Variants in SDR42E2 observed in about 807,000 individuals in gnomAD.
SDR42E2 encodes the protein short chain dehydrogenase/reductase family 42E, member 2, also known as putative short-chain dehydrogenase/reductase family 42E member 2.
Under a neutral mutation model 10.5 loss-of-function variants are expected in SDR42E2, and 20 were observed. The observed-to-expected ratio is 1.90, with a 90% confidence interval of 1.34 to 2.77. SDR42E2 has a LOEUF of 2.77. SDR42E2 is among the 30% of genes most tolerant of loss of function. SDR42E2 has a pLI of 0.00. For synonymous variants in SDR42E2, 72 were observed against 39.2 expected (o/e 1.84, Z -3.12); for missense variants, 162 against 104.2 (o/e 1.55, Z -2.42).
In SDR42E2 at chr16:22,177,627, CA is replaced by C. The variant is rs199973794; in HGVS notation, c.590-494del. The stretch of plus-strand genomic sequence containing the variant: ...TGGGCGGCAGAGCAAGATTCCATCT[CA>C]AAAAAAAAGAAATAAAGAAAGAAAA... On this transcript the variant is annotated intron_variant, in intron 7 of 12. Coordinates refer to ENST00000602312, the MANE Select transcript of SDR42E2 (RefSeq NM_001394319.2). Among the ~76,000 whole-genome samples, 12 of 139,508 alleles carry C rather than the reference CA, an allele frequency of 8.6e-5. No homozygotes were observed. The East Asian group carries it at 1.2e-3, about 14-fold the overall frequency. The allele number at this position is 139,508 out of a possible 152,430, so 91.5% of individuals were successfully genotyped here.
chr16:22,190,105 G>C (rs2046761272), intron 12 of SDR42E2, 34 bp from the exon 13 acceptor site: 1 of 401,068 alleles, frequency 2.5e-6, no homozygotes. Flanking sequence ...CCTCCCACGA[G>C]GCCCGCCCTC....
chr16:22,182,325 C>A, intron 10 of SDR42E2, 48 bp downstream of exon 10: 1 of 400,992 alleles, frequency 2.5e-6, no homozygotes, highest in Non-Finnish European at 4.4e-6. Flanking sequence ...TCTGGGATCC[C>A]TGACCTTCTC....
chr16:22,172,562 A>G (rs2046610678), intron 7 of SDR42E2, among the ~76,000 whole-genome samples: 1 of 152,168 alleles, frequency 6.6e-6, no homozygotes, highest in South Asian at 2.1e-4. Flanking sequence ...CTGCCCTTAC[A>G]TAGCTCACAG....
intron 1 of SDR42E2, among the ~76,000 whole-genome samples, chr16:22,164,127 C>T (rs2046517381): frequency 6.6e-6 from 1 of 151,928 alleles, no homozygotes; most frequent in Non-Finnish European, 1.5e-5. Flanking sequence ...TGCCCTGAGT[C>T]TAGACTGAGG....
At chr16:22,168,029 AC>A (rs905942746) in intron 4 of SDR42E2, among the ~76,000 whole-genome samples, 2 of 152,078 alleles carry the variant, frequency 1.3e-5, no homozygotes, top group Non-Finnish European at 2.9e-5. Context: ...TTTTCACTAT[AC>A]ACCCATTTTA....
chr16:22,178,416 G>C (rs1567242483), intron 8 of SDR42E2, among the ~76,000 whole-genome samples: 1 of 152,202 alleles, frequency 6.6e-6, no homozygotes, highest in Non-Finnish European at 1.5e-5. Context: ...AGCTCTCAGA[G>C]TGTACCAGCC....
chr16:22,183,877 A>G (rs924126977), intron 10 of SDR42E2, among the ~76,000 whole-genome samples: 8 of 150,676 alleles, frequency 5.3e-5, no homozygotes, highest in Admixed American at 1.3e-4. Context: ...GGAGGATCAC[A>G]TGAGGCCAGG....
intron 12 of SDR42E2, among the ~76,000 whole-genome samples, chr16:22,189,502 G>A (rs747334984): frequency 6.6e-6 from 1 of 152,216 alleles, no homozygotes; most frequent in Non-Finnish European, 1.5e-5. Flanking sequence ...GCCAAATGCA[G>A]GGTGTGTGTT....
At position 22,170,354 on chromosome 16, in the gene SDR42E2, C is replaced by CAATA. The variant is rs534650764; in HGVS notation, c.395-456_395-453dup. Among the ~76,000 whole-genome samples the CAATA allele has an allele frequency of 1.2e-3, 178 of 151,984 alleles. 1 individual carries two copies. The highest frequency in any genetic ancestry group is 3.1e-3 in the South Asian group (15 of 4,802). On this transcript the variant is annotated intron_variant, in intron 5 of 12. Coordinates refer to ENST00000602312, the MANE Select transcript of SDR42E2 (RefSeq NM_001394319.2). ...GGGCAACAAGAGTGAAACTCCGTCT[C>CAATA]AATAAATAAATAAATAAATAAATAA...
intron 11 of SDR42E2, among the ~76,000 whole-genome samples, chr16:22,186,009 G>A (rs550163356): frequency 1.1e-4 from 16 of 152,146 alleles, no homozygotes; most frequent in African/African-American, 2.2e-4. Context: ...CTCTTATGCT[G>A]GGATTACAGG....
chr16:22,164,611 A>C (rs769311895), intron 1 of SDR42E2, among the ~76,000 whole-genome samples: 3 of 152,192 alleles, frequency 2.0e-5, no homozygotes, highest in Non-Finnish European at 2.9e-5. Flanking sequence ...CCCATAGACC[A>C]GACCCTAAAG....
intron 4 of SDR42E2, among the ~76,000 whole-genome samples, chr16:22,168,778 C>T (rs1167573061): frequency 6.6e-6 from 1 of 152,014 alleles, no homozygotes; most frequent in Non-Finnish European, 1.5e-5. Context: ...GAGGCTGAGG[C>T]AGGAGAATCA....
chr16:22,181,492 T>C, intron 8 of SDR42E2, 27 bp from the exon 9 acceptor site: 1 of 702,982 alleles, frequency 1.4e-6, no homozygotes, highest in Non-Finnish European at 2.6e-6. Context: ...GACACAAGCC[T>C]GTTTATCACC....
chr16:22,165,910 G>A (rs1037327751), intron 2 of SDR42E2, among the ~76,000 whole-genome samples: 3 of 145,530 alleles, frequency 2.1e-5, no homozygotes, highest in Non-Finnish European at 3.1e-5. Flanking sequence ...AGCTAGGTCC[G>A]TACCTGGGCC....
At chr16:22,173,680 C>A (rs1205125902) in intron 7 of SDR42E2, among the ~76,000 whole-genome samples, 1 of 151,920 alleles carries the variant, frequency 6.6e-6, no homozygotes, top group Admixed American at 6.6e-5. Context: ...CCCTTGCTTT[C>A]TAAGCTTCAG....
chr16:22,164,243 G>A (rs1231889734), intron 1 of SDR42E2, among the ~76,000 whole-genome samples: 3 of 152,048 alleles, frequency 2.0e-5, no homozygotes, highest in Non-Finnish European at 2.9e-5. Flanking sequence ...AACAGAGTGA[G>A]ACTCTGTCTC....
chr16:22,184,279 T>C (rs1165611458), intron 11 of SDR42E2, 35 bp downstream of exon 11: 20 of 400,912 alleles, frequency 5.0e-5, no homozygotes, highest in Middle Eastern at 3.1e-4. Context: ...AAGCCCTCCA[T>C]GTGCCAGGTG....
intron 7 of SDR42E2, among the ~76,000 whole-genome samples, chr16:22,174,468 C>T (rs887362042): frequency 1.3e-5 from 2 of 152,058 alleles, no homozygotes; most frequent in Non-Finnish European, 2.9e-5. Flanking sequence ...GAGCCTGGGG[C>T]CTAATCACTG....
Position 22,190,154 on chromosome 16 carries a change from G to GT in SDR42E2, c.1031dup (p.Thr345AspfsTer19), listed in dbSNP as rs1567247506. 1 of 401,018 alleles carries GT rather than the reference G, an allele frequency of 2.5e-6. No homozygotes were observed. Among genetic ancestry groups the GT allele is most frequent in the Non-Finnish European group, 4.4e-6 (1 of 226,184 alleles). The allele number at this position is 401,018 out of a possible 1,614,324, so 24.8% of individuals were successfully genotyped here. On this transcript the variant is annotated frameshift_variant, in exon 13 of 13. Transcript: ENST00000602312. LOFTEE classifies it low-confidence loss of function (END_TRUNC). ...GTCCCCGCAGGTGCGCAGCGTGGCC[G>GT]TGACGCACACCTTCCAGATAGCCAA... is the stretch of plus-strand genomic sequence containing the variant.
Sources: allele counts gnomAD v4.1 joint callset (sites outside exome capture counted in the v4.1 genomes callset), GRCh38; gene constraint gnomAD v4.1.1; transcripts MANE v1.5; gene names NCBI Gene and HGNC (gene_info 2026-07-23, HGNC 2026-07-21).